The following CADM2 variants were observed in gnomAD, a reference collection of about 807,000 sequenced individuals.
CADM2 encodes the protein cell adhesion molecule 2.
Under a neutral mutation model 49.8 loss-of-function variants are expected in CADM2, and 12 were observed. The observed-to-expected ratio is 0.24, with a 90% CI of 0.15 to 0.39. The LOEUF is 0.39. Ranked by LOEUF, CADM2 falls within the 10% of genes least tolerant of loss-of-function variation. The pLI, the probability that CADM2 is intolerant of heterozygous loss-of-function variation, is 1.00. For synonymous variants in CADM2, 214 were observed against 175.4 expected (o/e 1.22, Z -1.74); for missense variants, 378 against 492.3 (o/e 0.77, Z 2.20).
chr3:85,453,139 G>A (rs1054279699), intron 1 of CADM2, among the ~76,000 whole-genome samples: 2 of 151,992 alleles, frequency 1.3e-5, no homozygotes, highest in Non-Finnish European at 2.9e-5. Flanking sequence ...TATATAAGTA[G>A]GTAGTTAAGT....
chr3:85,107,057 A>AT (rs1186293060), intron 1 of CADM2, among the ~76,000 whole-genome samples: 1 of 152,152 alleles, frequency 6.6e-6, no homozygotes, highest in Non-Finnish European at 1.5e-5. Flanking sequence ...ATAACAACTG[A>AT]TTGTCACAAG....
At chr3:85,019,407 C>T (rs1376237540) in intron 1 of CADM2, among the ~76,000 whole-genome samples, 1 of 152,100 alleles carries the variant, frequency 6.6e-6, no homozygotes, top group Non-Finnish European at 1.5e-5. Context: ...CACTTGAGCC[C>T]AGGAGGTCGA....
intron 1 of CADM2, among the ~76,000 whole-genome samples, chr3:85,460,059 T>C (rs772298927): frequency 2.0e-5 from 3 of 152,208 alleles, no homozygotes; most frequent in Non-Finnish European, 4.4e-5. Context: ...TTTTCATCTC[T>C]TCTACCTCAG....
intron 1 of CADM2, among the ~76,000 whole-genome samples, chr3:85,196,148 T>A (rs555911476): frequency 6.6e-6 from 1 of 152,068 alleles, no homozygotes; most frequent in South Asian, 2.1e-4. Flanking sequence ...TGCTGGAGAG[T>A]TTGAATTGCC....
intron 7 of CADM2, among the ~76,000 whole-genome samples, chr3:85,957,626 GATTGAGGTCTCAGTCCC>G (rs1724220864): frequency 6.6e-6 from 1 of 151,894 alleles, no homozygotes; most frequent in South Asian, 2.1e-4. Context: ...TCAGACTGCA[GATTGAGGTCTCAGTCCC>G]ACAAGATTGC....
chr3:85,514,235 CAA>C (rs1252080895), intron 1 of CADM2, among the ~76,000 whole-genome samples: 1 of 152,004 alleles, frequency 6.6e-6, no homozygotes, highest in Admixed American at 6.6e-5. Flanking sequence ...CCACATTACA[CAA>C]AGAGTTGTAA....
chr3:85,043,075 G>A (rs1444697671), intron 1 of CADM2, among the ~76,000 whole-genome samples: 2 of 152,084 alleles, frequency 1.3e-5, no homozygotes, highest in African/African-American at 4.8e-5. Flanking sequence ...AAGCCCCTGG[G>A]AGATATTGGG....
chr3:85,716,859 C>A (rs548435708), intron 1 of CADM2, among the ~76,000 whole-genome samples: 3 of 152,222 alleles, frequency 2.0e-5, no homozygotes, highest in Non-Finnish European at 4.4e-5. Flanking sequence ...GTCTATATAT[C>A]TGATTTGGTG....
intron 1 of CADM2, among the ~76,000 whole-genome samples, chr3:85,025,972 T>C (rs2034709859): frequency 6.6e-6 from 1 of 152,164 alleles, no homozygotes; most frequent in African/African-American, 2.4e-5. Flanking sequence ...TGAATCTCTC[T>C]ACTGTTTCCG....
At chr3:85,203,227 G>T (rs970119813) in intron 1 of CADM2, among the ~76,000 whole-genome samples, 1 of 152,164 alleles carries the variant, frequency 6.6e-6, no homozygotes, top group African/African-American at 2.4e-5. Context: ...CTTTTGACAT[G>T]CCTCCTTCAC....
chr3:85,264,148 A>T (rs965889308), intron 1 of CADM2, among the ~76,000 whole-genome samples: 1 of 152,096 alleles, frequency 6.6e-6, no homozygotes, highest in African/African-American at 2.4e-5. Context: ...AAATTATGAC[A>T]AGTGGCATTT....
intron 7 of CADM2, among the ~76,000 whole-genome samples, chr3:85,938,744 A>T (rs1416338955): frequency 6.6e-6 from 1 of 152,070 alleles, no homozygotes; most frequent in African/African-American, 2.4e-5. Context: ...CTTAGTATAT[A>T]AGCTTACTTA....
chr3:85,215,610 C>T (rs1452472249), intron 1 of CADM2, among the ~76,000 whole-genome samples: 1 of 151,930 alleles, frequency 6.6e-6, no homozygotes, highest in Non-Finnish European at 1.5e-5. Context: ...CAGATGCACC[C>T]CTAGTCCCCT....
intron 3 of CADM2, among the ~76,000 whole-genome samples, chr3:85,857,330 CA>C (rs1190189164): frequency 6.6e-6 from 1 of 152,094 alleles, no homozygotes. Context: ...GCTAAGGGAC[CA>C]CATGCCAGGG....
chr3:85,550,960 T>G (rs2061787379), intron 1 of CADM2, among the ~76,000 whole-genome samples: 1 of 128,514 alleles, frequency 7.8e-6, no homozygotes, highest in Admixed American at 7.4e-5. Context: ...TGATTTTAAT[T>G]TATTTATTTG....
intron 1 of CADM2, among the ~76,000 whole-genome samples, chr3:85,686,470 T>G (rs2107669905): frequency 6.6e-6 from 1 of 152,348 alleles, no homozygotes; most frequent in Non-Finnish European, 1.5e-5. Context: ...GACACTATTT[T>G]TTATGATGAA....
chr3:85,475,104 C>T (rs1032617417), intron 1 of CADM2, among the ~76,000 whole-genome samples: 1 of 151,816 alleles, frequency 6.6e-6, no homozygotes, highest in African/African-American at 2.4e-5. Flanking sequence ...ACAATTTTTT[C>T]CTCCCATGGA....
intron 1 of CADM2, among the ~76,000 whole-genome samples, chr3:85,461,181 C>T (rs1268022651): frequency 1.3e-5 from 2 of 152,008 alleles, no homozygotes; most frequent in African/African-American, 4.8e-5. Flanking sequence ...GATGTACACA[C>T]TTTGAAGAAG....
intron 1 of CADM2, among the ~76,000 whole-genome samples, chr3:85,054,601 T>G: frequency 6.6e-6 from 1 of 151,884 alleles, no homozygotes; most frequent in East Asian, 1.9e-4. Flanking sequence ...TTATTAAAAT[T>G]GTTTGAAACA....
Sources: gnomAD v4.1 joint callset for allele counts (sites outside exome capture counted in the v4.1 genomes callset) on GRCh38, gnomAD v4.1.1 for gene constraint, MANE v1.5 for transcripts, NCBI Gene and HGNC (gene_info 2026-07-23, HGNC 2026-07-21) for gene names.